The following GALNTL6 variants were observed in gnomAD, a reference collection of about 807,000 sequenced individuals.
The protein encoded by GALNTL6 is polypeptide N-acetylgalactosaminyltransferase-like 6.
GALNTL6 carries 46 observed loss-of-function variants against 73.7 expected under a neutral mutation model. That is an observed-to-expected ratio of 0.62 (90% CI 0.49 to 0.80). GALNTL6 has a LOEUF of 0.80. Among genes scored for constraint, GALNTL6 ranks in the 30% least tolerant of loss-of-function variants. GALNTL6 has a pLI of 0.00. For missense variants in GALNTL6, 604 were observed against 755.0 expected (o/e 0.80, Z 2.34); for synonymous variants, 259 against 263.7 (o/e 0.98, Z 0.17).
intron 7 of GALNTL6, among the ~76,000 whole-genome samples, chr4:172,837,936 G>A (rs1485420833): frequency 6.6e-6 from 1 of 152,140 alleles, no homozygotes; most frequent in Non-Finnish European, 1.5e-5. Context: ...TGTAGTTTTA[G>A]GACCAATATG....
rs115114107 is a variant in GALNTL6 at position 172,620,922 on chromosome 4, G to A, written c.554-188439G>A. 4.8e-3 allele frequency among the ~76,000 whole-genome samples: 737 copies of A among 152,248 alleles called. 2 individuals carry two copies. The highest frequency in any genetic ancestry group is 0.016 in the African/African-American group (683 of 41,554). The stretch of plus-strand genomic sequence containing the variant: ...TGGTTCCATTTAGAGTTTTCATAAC[G>A]CATTCCCTCTGTTTAGCCTTATGGC... On this transcript the variant is annotated intron_variant, in intron 5 of 12. Coordinates refer to ENST00000506823, the MANE Select transcript of GALNTL6 (RefSeq NM_001034845.3).
At chr4:172,848,498 G>A (rs1399618325) in intron 7 of GALNTL6, among the ~76,000 whole-genome samples, 2 of 152,100 alleles carry the variant, frequency 1.3e-5, no homozygotes, top group African/African-American at 4.8e-5. Context: ...ATATTAGCTG[G>A]ATGAATGAAT....
intron 2 of GALNTL6, among the ~76,000 whole-genome samples, chr4:172,035,635 T>G (rs1410343451): frequency 6.6e-6 from 1 of 152,118 alleles, no homozygotes; most frequent in Non-Finnish European, 1.5e-5. Context: ...AGTTGAGCAC[T>G]CCCAGCAGAT....
In GALNTL6 at chr4:172,809,296, C is replaced by T. The variant is rs574990101; in HGVS notation, c.554-65C>T. On this transcript the variant is annotated intron_variant, in intron 5 of 12. Transcript: ENST00000506823. The surrounding 1 kb of genome is among the most constrained non-coding windows in gnomAD (Gnocchi z 4.4). Reference sequence around the variant, plus strand: ...CACATACTCTCTATGCACAAACAACCGTGAATAATTCAGCTGCAACTAATG... The same window carrying T: ...CACATACTCTCTATGCACAAACAACTGTGAATAATTCAGCTGCAACTAATG... 2.6e-5 allele frequency: 34 copies of T among 1,311,848 alleles called. No individual in the cohort carries two copies. The African/African-American group carries it at 3.2e-4, about 12-fold the overall frequency. 81.3% of individuals were successfully genotyped at this position (1,311,848 alleles called of 1,614,324 possible).
At chr4:172,622,253 T>C (rs1579252898) in intron 5 of GALNTL6, among the ~76,000 whole-genome samples, 1 of 152,150 alleles carries the variant, frequency 6.6e-6, no homozygotes, top group Non-Finnish European at 1.5e-5. Context: ...AATAAAATAA[T>C]TCAAGAGAAT....
At chr4:172,079,770 C>A (rs143678318) in intron 2 of GALNTL6, among the ~76,000 whole-genome samples, 2,486 of 151,842 alleles carry the variant, frequency 0.016, 33 homozygotes, top group Middle Eastern at 0.037. Flanking sequence ...ATTACTAATT[C>A]TCTTAATTGT....
At chr4:172,513,067 A>T (rs1403149931) in intron 5 of GALNTL6, among the ~76,000 whole-genome samples, 2 of 151,996 alleles carry the variant, frequency 1.3e-5, no homozygotes, top group African/African-American at 4.8e-5. Context: ...TTTTAGATGC[A>T]TCTTCTTTCT....
intron 7 of GALNTL6, among the ~76,000 whole-genome samples, chr4:172,865,211 G>T (rs1367175423): frequency 2.6e-5 from 4 of 152,220 alleles, no homozygotes; most frequent in Non-Finnish European, 5.9e-5. Flanking sequence ...GTGCACTAGT[G>T]CACAATAACT....
chr4:172,168,940 A>C (rs1425190169), intron 2 of GALNTL6, among the ~76,000 whole-genome samples: 1 of 152,208 alleles, frequency 6.6e-6, no homozygotes, highest in African/African-American at 2.4e-5. Context: ...AACTGATGAA[A>C]TCTCTTGAAA....
chr4:172,073,646 A>T (rs930925060), intron 2 of GALNTL6, among the ~76,000 whole-genome samples: 1 of 152,216 alleles, frequency 6.6e-6, no homozygotes, highest in Non-Finnish European at 1.5e-5. Context: ...TGATTCTCCC[A>T]TTGACTAGAT....
At chr4:172,154,142 T>TA (rs574572363) in intron 2 of GALNTL6, among the ~76,000 whole-genome samples, 170 of 147,560 alleles carry the variant, frequency 1.2e-3, no homozygotes, top group South Asian at 4.5e-3. Flanking sequence ...TCATTTTACA[T>TA]AAAAAATCAC....
Position 172,819,431 on chromosome 4 carries a change from G to GA in GALNTL6, c.923+5714dup, listed in dbSNP as rs1393117039. Among the ~76,000 whole-genome samples, 7 of 152,228 alleles carry GA rather than the reference G, an allele frequency of 4.6e-5. No homozygotes were observed. The East Asian group carries it at 7.7e-4, about 17-fold the overall frequency. The stretch of plus-strand genomic sequence containing the variant: ...AAATAATCATAAATTCATCAAGCTA[G>GA]AAAAAACCATAGAGACAATTCAACT... On this transcript the variant is annotated intron_variant, in intron 7 of 12. Transcript: ENST00000506823.
At chr4:172,896,629 A>C (rs936706342) in intron 8 of GALNTL6, among the ~76,000 whole-genome samples, 2 of 152,108 alleles carry the variant, frequency 1.3e-5, no homozygotes, top group African/African-American at 4.8e-5. Flanking sequence ...AGGATCTGCT[A>C]TGGGCAGGAA....
At chr4:172,444,633 G>A (rs758984358) in intron 5 of GALNTL6, among the ~76,000 whole-genome samples, 4 of 151,970 alleles carry the variant, frequency 2.6e-5, no homozygotes, top group South Asian at 2.1e-4. Context: ...GATATGTCTC[G>A]TAGGTTTCAG....
chr4:171,918,552 A>C (rs1737693185), intron 2 of GALNTL6, among the ~76,000 whole-genome samples: 2 of 152,160 alleles, frequency 1.3e-5, no homozygotes, highest in African/African-American at 4.8e-5. Flanking sequence ...TAGGAATGCA[A>C]AATGGTGCAG....
At chr4:171,863,585 G>A (rs933006460) in intron 2 of GALNTL6, among the ~76,000 whole-genome samples, 1 of 151,882 alleles carries the variant, frequency 6.6e-6, no homozygotes, top group African/African-American at 2.4e-5. Flanking sequence ...TAAGTAATAT[G>A]TTACAATAGT....
At chr4:172,095,465 A>G (rs555259347) in intron 2 of GALNTL6, among the ~76,000 whole-genome samples, 1 of 152,294 alleles carries the variant, frequency 6.6e-6, no homozygotes, top group East Asian at 1.9e-4. Context: ...ACAGTTGGGG[A>G]TATGTAGCTA....
intron 5 of GALNTL6, among the ~76,000 whole-genome samples, chr4:172,502,362 A>G: frequency 6.6e-6 from 1 of 152,218 alleles, no homozygotes; most frequent in East Asian, 1.9e-4. Flanking sequence ...GTTCTCATGA[A>G]CTATCTCTTT....
At chr4:172,011,076 A>G (rs889022723) in intron 2 of GALNTL6, among the ~76,000 whole-genome samples, 3 of 152,102 alleles carry the variant, frequency 2.0e-5, no homozygotes, top group African/African-American at 7.2e-5. Flanking sequence ...TGCACAACAA[A>G]TATATGAGAA....
Sources: gnomAD v4.1 joint callset for allele counts (sites outside exome capture counted in the v4.1 genomes callset) on GRCh38, gnomAD v4.1.1 for gene constraint, Gnocchi (gnomAD v3.1) non-coding constraint, MANE v1.5 for transcripts, NCBI Gene and HGNC (gene_info 2026-07-23, HGNC 2026-07-21) for gene names.